ERC1: variants seen among roughly 807,000 people sequenced by gnomAD.
ERC1 encodes the protein ELKS/RAB6-interacting/CAST family member 1.
In ERC1, 56 loss-of-function variants were observed where a neutral mutation model predicts 132.0. That is an observed-to-expected ratio of 0.42 (90% confidence interval 0.34 to 0.53). ERC1 has a LOEUF of 0.53. Among genes scored for constraint, ERC1 ranks in the 20% least tolerant of loss-of-function variants. The pLI is 0.03. For synonymous variants in ERC1, 478 were observed against 476.1 expected (o/e 1.00, Z -0.05); for missense variants, 1,202 against 1,349.9 (o/e 0.89, Z 1.72).
intron 15 of ERC1, among the ~76,000 whole-genome samples, chr12:1,331,828 C>T (rs138838489): frequency 1.2e-4 from 18 of 152,170 alleles, no homozygotes; most frequent in East Asian, 7.7e-4. Flanking sequence ...ACCACACATA[C>T]GTTTAAGTTG....
At chr12:1,070,463 A>AT (rs1337326721) in intron 2 of ERC1, among the ~76,000 whole-genome samples, 6 of 151,208 alleles carry the variant, frequency 4.0e-5, no homozygotes, top group African/African-American at 1.2e-4. Flanking sequence ...AATTTTTTTA[A>AT]TTTTTTTGTA....
At chr12:1,228,618 G>A (rs1340275436) in intron 12 of ERC1, among the ~76,000 whole-genome samples, 3 of 152,112 alleles carry the variant, frequency 2.0e-5, no homozygotes, top group African/African-American at 7.2e-5. Context: ...CCTGATGTTA[G>A]GGGAAAAGCT....
intron 15 of ERC1, among the ~76,000 whole-genome samples, chr12:1,325,422 GTTTGGC>G: frequency 6.6e-6 from 1 of 152,242 alleles, no homozygotes; most frequent in Non-Finnish European, 1.5e-5. Flanking sequence ...TATCCATTGA[GTTTGGC>G]TTTATTCTTT....
chr12:1,121,743 CTATCTCTATCTCTATCTCTA>C lies in ERC1; in HGVS notation c.1569+5712_1569+5731del, dbSNP rs1566013183. Among the ~76,000 whole-genome samples, 5 of 5,620 alleles carry C rather than the reference CTATCTCTATCTCTATCTCTA, an allele frequency of 8.9e-4. 1 individual carries two copies. The highest frequency in any genetic ancestry group is 1.5e-3 in the African/African-American group (5 of 3,270). The allele number at this position is 5,620 out of a possible 152,430, so 3.7% of individuals were successfully genotyped here. Reference sequence around the variant, plus strand: ...TCTCTATCTCTATCTCTATCTCTATCTATCTCTATCTCTATCTCTATCTATCTCTATCTCTATCTATCTCT... The same window carrying C: ...TCTCTATCTCTATCTCTATCTCTATCTCTATCTCTATCTCTATCTATCTCT... On this transcript the variant is annotated intron_variant, in intron 7 of 18. Transcript: ENST00000360905.
chr12:1,356,213 AGTGTGTGTGTGT>A (rs71055145), intron 15 of ERC1, among the ~76,000 whole-genome samples: 37 of 130,012 alleles, frequency 2.8e-4, no homozygotes, highest in Non-Finnish European at 4.3e-4. Flanking sequence ...AAAAAAAAAA[AGTGTGTGTGTGT>A]GTGTGTGTGT....
chr12:1,353,180 G>A (rs1265211447), intron 15 of ERC1, among the ~76,000 whole-genome samples: 1 of 151,834 alleles, frequency 6.6e-6, no homozygotes, highest in African/African-American at 2.4e-5. Flanking sequence ...ACAGGCGCCC[G>A]CCACCACACC....
intron 1 of ERC1, among the ~76,000 whole-genome samples, chr12:1,006,787 C>T (rs899238132): frequency 7.2e-5 from 11 of 152,038 alleles, no homozygotes; most frequent in Non-Finnish European, 4.4e-5. Context: ...CCTCCGAAAG[C>T]CCTAGGAAAC....
intron 15 of ERC1, among the ~76,000 whole-genome samples, chr12:1,339,085 T>C (rs1249655888): frequency 6.6e-6 from 1 of 152,124 alleles, no homozygotes; most frequent in Admixed American, 6.5e-5. Flanking sequence ...GACAGGGTGC[T>C]AGCAGGTGCC....
intron 12 of ERC1, chr12:1,204,362 GTA>G: frequency 1.7e-6 from 1 of 577,308 alleles, no homozygotes; most frequent in Non-Finnish European, 3.0e-6. Context: ...TTTAGTGACT[GTA>G]TAGAATTTGT....
At chr12:1,041,557 T>C (rs1400673021) in intron 2 of ERC1, among the ~76,000 whole-genome samples, 1 of 152,184 alleles carries the variant, frequency 6.6e-6, no homozygotes, top group Non-Finnish European at 1.5e-5. Context: ...CTAAAGGCCT[T>C]ATGTGGGTCT....
rs940756651 is a variant in ERC1, at chr12:1,494,502, A to G, written c.*4272A>G. 10 of 231,824 alleles carry G rather than the reference A, an allele frequency of 4.3e-5. No individual in the cohort carries two copies. Among genetic ancestry groups the G allele is most frequent in the South Asian group, 1.8e-4 (1 of 5,520 alleles). The allele number at this position is 231,824 out of a possible 1,614,324, so 14.4% of individuals were successfully genotyped here. Reference sequence around the variant, plus strand: ...GGAAATCCTTCTGAACAAAATGGCTATCTTCACCTACTCTTCAGCAAAAAC... The same window carrying G: ...GGAAATCCTTCTGAACAAAATGGCTGTCTTCACCTACTCTTCAGCAAAAAC... On this transcript the variant is annotated 3_prime_UTR_variant, in exon 19 of 19. Transcript: ENST00000360905.
At chr12:1,270,707 T>G (rs1427594453) in intron 14 of ERC1, among the ~76,000 whole-genome samples, 1 of 151,698 alleles carries the variant, frequency 6.6e-6, no homozygotes, top group Non-Finnish European at 1.5e-5. Flanking sequence ...AACTAGTGAT[T>G]CTAATCATAA....
At chr12:1,026,255 C>T (rs757613385) in intron 1 of ERC1, among the ~76,000 whole-genome samples, 3 of 152,090 alleles carry the variant, frequency 2.0e-5, no homozygotes, top group East Asian at 1.9e-4. Flanking sequence ...TCCCATGAGA[C>T]GCACTCACTA....
chr12:1,111,985 C>G (rs1240332762), intron 5 of ERC1, among the ~76,000 whole-genome samples: 2 of 152,092 alleles, frequency 1.3e-5, no homozygotes, highest in African/African-American at 4.8e-5. Context: ...CGTATGATCT[C>G]TGTGTTTATG....
chr12:1,170,197 A>G (rs1952899111), intron 8 of ERC1, among the ~76,000 whole-genome samples: 4 of 152,188 alleles, frequency 2.6e-5, no homozygotes, highest in Admixed American at 2.6e-4. Flanking sequence ...AAGTTTTTGT[A>G]TCCTTAATTC....
intron 13 of ERC1, among the ~76,000 whole-genome samples, chr12:1,257,658 G>A (rs1376964010): frequency 6.6e-6 from 1 of 152,050 alleles, no homozygotes; most frequent in East Asian, 1.9e-4. Context: ...TGTAAGCTGG[G>A]AAAAGAGTTA....
intron 16 of ERC1, among the ~76,000 whole-genome samples, chr12:1,400,129 G>C (rs1413273497): frequency 6.6e-6 from 1 of 152,102 alleles, no homozygotes; most frequent in East Asian, 1.9e-4. Context: ...ATATTGTATT[G>C]CTTCTCCGTT....
At chr12:1,014,174 T>G (rs1965143889) in intron 1 of ERC1, among the ~76,000 whole-genome samples, 1 of 150,992 alleles carries the variant, frequency 6.6e-6, no homozygotes, top group Non-Finnish European at 1.5e-5. Flanking sequence ...AAATGTAAGT[T>G]TTTTTTTTTG....
chr12:1,323,674 G>A (rs1350222221), intron 15 of ERC1, among the ~76,000 whole-genome samples: 2 of 152,118 alleles, frequency 1.3e-5, no homozygotes, highest in African/African-American at 2.4e-5. Flanking sequence ...CTGAGTATGG[G>A]TAGGTAAAGT....
Sources: allele counts gnomAD v4.1 joint callset (sites outside exome capture counted in the v4.1 genomes callset), GRCh38; gene constraint gnomAD v4.1.1; transcripts MANE v1.5; gene names NCBI Gene and HGNC (gene_info 2026-07-23, HGNC 2026-07-21).